Variants in EYS observed in about 807,000 individuals in gnomAD.
EYS encodes the protein protein eyes shut homolog.
A neutral mutation model predicts 282.1 loss-of-function variants in EYS; 250 were observed. The ratio of observed to expected loss-of-function variants is 0.89; its 90% CI spans 0.80 to 0.98. The LOEUF (loss-of-function observed/expected upper bound fraction) is 0.98, where lower values mean the gene tolerates loss of function less well. Ranked by LOEUF, EYS falls within the 50% of genes least tolerant of loss-of-function variation. The pLI is 0.00. For synonymous variants in EYS, 1,355 were observed against 1,282.9 expected, an observed-to-expected ratio of 1.06 and a Z score of -1.20; for missense variants, 4,016 against 3,709.0, an observed-to-expected ratio of 1.08 and a Z score of -2.15.
chr6:64,449,793 G>A (rs1308417021), intron 26 of EYS, among the ~76,000 whole-genome samples: 1 of 152,078 alleles, frequency 6.6e-6, no homozygotes, highest in Non-Finnish European at 1.5e-5. Context: ...ATACTTTACA[G>A]ACAAGCAAAT....
At chr6:64,811,820 A>C (rs1764604383) in intron 22 of EYS, among the ~76,000 whole-genome samples, 1 of 152,164 alleles carries the variant, frequency 6.6e-6, no homozygotes, top group Non-Finnish European at 1.5e-5. Flanking sequence ...AGCATAAGCC[A>C]AATAAACCTC....
chr6:65,362,941 A>G (rs1764770984), intron 8 of EYS, among the ~76,000 whole-genome samples: 1 of 152,072 alleles, frequency 6.6e-6, no homozygotes, highest in Non-Finnish European at 1.5e-5. Context: ...GAATGAAATC[A>G]CCCTTTTCTT....
rs75227015 is a variant in EYS, at chr6:63,777,514, A to G, written c.7898+492T>C. 3.2e-3 allele frequency: 488 copies of G among 153,806 alleles called. 2 individuals are homozygous for G. Among genetic ancestry groups the G allele is most frequent in the African/African-American group, 0.011 (459 of 41,580 alleles). 9.5% of individuals were successfully genotyped at this position (153,806 alleles called of 1,614,324 possible). ...CTCATATACTACTTTTGCATAGACG[A>G]GATGCTCAGCAAAAGGAGTAATTAA... On this transcript the variant is annotated intron_variant, in intron 40 of 42. Transcript: ENST00000503581.
chr6:64,117,171 CA>C (rs1230393058), intron 31 of EYS, among the ~76,000 whole-genome samples: 1 of 151,608 alleles, frequency 6.6e-6, no homozygotes, highest in African/African-American at 2.4e-5. Context: ...TTTTAGGCTA[CA>C]AAAAAAGTCT....
At chr6:64,259,956 T>C (rs902288049) in intron 30 of EYS, among the ~76,000 whole-genome samples, 1 of 152,072 alleles carries the variant, frequency 6.6e-6, no homozygotes, top group South Asian at 2.1e-4. Flanking sequence ...ATTCTCTGAT[T>C]TTTTTTCCTT....
At chr6:65,301,277 C>G (rs1287648744) in intron 11 of EYS, among the ~76,000 whole-genome samples, 1 of 152,160 alleles carries the variant, frequency 6.6e-6, no homozygotes, top group Non-Finnish European at 1.5e-5. Context: ...GGGCAGATCA[C>G]GAGGTCAGGA....
Position 63,963,048 on chromosome 6 carries a change from G to A in EYS, c.7055+21335C>T, listed in dbSNP as rs1766146025. On this transcript the variant is annotated intron_variant, in intron 35 of 42. Coordinates refer to ENST00000503581, the MANE Select transcript of EYS (RefSeq NM_001142800.2). ...ACCGCATGTTTTCACTCATAGGTGGGAATTGAACAATGAGAACACTTGGAC... is the reference window on the plus strand; with the variant it reads ...ACCGCATGTTTTCACTCATAGGTGGAAATTGAACAATGAGAACACTTGGAC... Among the ~76,000 whole-genome samples the A allele has an allele frequency of 4.4e-5, 6 of 135,778 alleles. No individual in the cohort carries two copies. In the South Asian group the frequency reaches 1.5e-3, roughly 34 times the overall value. The allele number at this position is 135,778 out of a possible 152,430, so 89.1% of individuals were successfully genotyped here.
intron 12 of EYS, among the ~76,000 whole-genome samples, chr6:65,097,605 A>T (rs1774775846): frequency 6.6e-6 from 1 of 150,888 alleles, no homozygotes; most frequent in Non-Finnish European, 1.5e-5. Context: ...CTAAATGTCT[A>T]TTGATGATAA....
At chr6:64,553,119 T>G (rs143234040) in intron 26 of EYS, among the ~76,000 whole-genome samples, 114 of 152,188 alleles carry the variant, frequency 7.5e-4, no homozygotes, top group Non-Finnish European at 1.5e-3. Flanking sequence ...CTTGGGCACA[T>G]GTTCTCAGGA....
chr6:64,477,553 T>C (rs1168993889), intron 26 of EYS, among the ~76,000 whole-genome samples: 1 of 151,892 alleles, frequency 6.6e-6, no homozygotes, highest in Non-Finnish European at 1.5e-5. Context: ...ACATGGCCCG[T>C]TGCTGATCAC....
intron 8 of EYS, among the ~76,000 whole-genome samples, chr6:65,367,022 T>TCTTCAA (rs770546212): frequency 4.6e-5 from 7 of 151,692 alleles, no homozygotes; most frequent in Non-Finnish European, 8.8e-5. Flanking sequence ...AAGATACTTA[T>TCTTCAA]CTTCAACGTA....
chr6:63,826,845 C>CAAAAAAAAAAAAAAAAAAAAAAAAAAAAA (rs59957107), intron 36 of EYS, among the ~76,000 whole-genome samples: 2 of 76,744 alleles, frequency 2.6e-5, no homozygotes, highest in East Asian at 4.1e-4. Flanking sequence ...AGTTAAAAAG[C>CAAAAAAAAAAAAAAAAAAAAAAAAAAAAA]AAAAAAAAAA....
chr6:64,755,866 G>T (rs1336277156), intron 22 of EYS, among the ~76,000 whole-genome samples: 3 of 152,122 alleles, frequency 2.0e-5, no homozygotes, highest in Middle Eastern at 3.4e-3. Context: ...ATGTAATAAA[G>T]CTGCACTTGT....
At chr6:65,364,797 G>A (rs2150336833) in intron 8 of EYS, among the ~76,000 whole-genome samples, 2 of 151,748 alleles carry the variant, frequency 1.3e-5, no homozygotes, top group South Asian at 4.1e-4. Flanking sequence ...TGGCCAATTA[G>A]AATATTATGG....
At chr6:64,366,575 C>T (rs1772187685) in intron 29 of EYS, among the ~76,000 whole-genome samples, 1 of 151,930 alleles carries the variant, frequency 6.6e-6, no homozygotes, top group Non-Finnish European at 1.5e-5. Flanking sequence ...GATGTTTGAA[C>T]AAAAGGGTAA....
intron 33 of EYS, among the ~76,000 whole-genome samples, chr6:64,011,541 A>AT (rs146149625): frequency 6.2e-5 from 9 of 144,642 alleles, no homozygotes; most frequent in South Asian, 4.3e-4. Flanking sequence ...TCTGTCTCAT[A>AT]TTTTTTTTTC....
At chr6:64,584,533 G>T (rs982248934) in intron 26 of EYS, among the ~76,000 whole-genome samples, 3 of 151,754 alleles carry the variant, frequency 2.0e-5, no homozygotes, top group African/African-American at 7.3e-5. Flanking sequence ...CCAATAGAGT[G>T]CCTCCACTGT....
rs531767550 is a variant in EYS at position 65,006,672 on chromosome 6, G to T, written c.2138-8969C>A. Among the ~76,000 whole-genome samples the T allele has an allele frequency of 6.6e-5, 10 of 152,214 alleles. No individual in the cohort carries two copies. In the East Asian group the frequency reaches 1.4e-3, roughly 21 times the overall value. On this transcript the variant is annotated intron_variant, in intron 13 of 42. Transcript: ENST00000503581. Reference sequence around the variant, plus strand: ...AATCTTAATTACCATACAAAGGTCCGACCAGAGCTAGGAGGAACTCCCTTC... The same window carrying T: ...AATCTTAATTACCATACAAAGGTCCTACCAGAGCTAGGAGGAACTCCCTTC...
At chr6:64,294,773 T>C (rs981919524) in intron 30 of EYS, among the ~76,000 whole-genome samples, 10 of 152,186 alleles carry the variant, frequency 6.6e-5, no homozygotes, top group African/African-American at 2.4e-4. Flanking sequence ...TAGATAAGAG[T>C]ATTATCACTT....
Sources: allele counts gnomAD v4.1 joint callset (sites outside exome capture counted in the v4.1 genomes callset), GRCh38; gene constraint gnomAD v4.1.1; transcripts MANE v1.5; gene names NCBI Gene and HGNC (gene_info 2026-07-23, HGNC 2026-07-21).